The following KAZN variants were observed in gnomAD, a reference collection of about 807,000 sequenced individuals.
The protein encoded by KAZN is kazrin.
In KAZN, 40 loss-of-function variants were observed where a neutral mutation model predicts 87.4. The observed-to-expected ratio is 0.46, with a 90% CI of 0.36 to 0.60. The LOEUF (loss-of-function observed/expected upper bound fraction) is 0.60. Among genes scored for constraint, KAZN ranks in the 20% least tolerant of loss-of-function variants. KAZN has a pLI of 0.00. For missense variants in KAZN, 898 were observed against 1,073.9 expected (o/e 0.84, Z 2.29); for synonymous variants, 466 against 458.3 (o/e 1.02, Z -0.22).
At chr1:14,039,134 G>A (rs1195009986) in intron 1 of KAZN, among the ~76,000 whole-genome samples, 1 of 147,408 alleles carries the variant, frequency 6.8e-6, no homozygotes, top group Non-Finnish European at 1.5e-5. Context: ...TCGTGCCACT[G>A]CACTCCAGCC....
At chr1:14,683,449 T>C (rs1197200893) in intron 1 of KAZN, among the ~76,000 whole-genome samples, 1 of 152,144 alleles carries the variant, frequency 6.6e-6, no homozygotes, top group African/African-American at 2.4e-5. Flanking sequence ...AAGATGCTAT[T>C]AGGCATTCTT....
At chr1:15,050,159 GGAATAGAATAGAATAGAATAGAATA>G (rs1553180847) in intron 4 of KAZN, among the ~76,000 whole-genome samples, 84 of 131,330 alleles carry the variant, frequency 6.4e-4, no homozygotes, top group Non-Finnish European at 1.1e-3. Flanking sequence ...AGAATAGAAT[GGAATAGAATAGAATAGAATAGAATA>G]GAATAGAATA....
At chr1:14,590,662 C>T (rs570646788) in intron 2 of KAZN, among the ~76,000 whole-genome samples, 1 of 152,120 alleles carries the variant, frequency 6.6e-6, no homozygotes, top group African/African-American at 2.4e-5. Flanking sequence ...AGAATGAGAG[C>T]TACCATCACA....
intron 2 of KAZN, among the ~76,000 whole-genome samples, chr1:14,964,093 C>T (rs185046140): frequency 4.6e-5 from 7 of 152,246 alleles, no homozygotes; most frequent in African/African-American, 1.2e-4. Context: ...AGTAAACATA[C>T]GTGTACATGT....
intron 8 of KAZN, among the ~76,000 whole-genome samples, chr1:15,070,493 A>C (rs1305573899): frequency 6.6e-6 from 1 of 152,070 alleles, no homozygotes. Flanking sequence ...TGCAGCCCCC[A>C]ACACCTGGGG....
chr1:14,665,823 T>C (rs978531112), intron 1 of KAZN, among the ~76,000 whole-genome samples: 1 of 151,212 alleles, frequency 6.6e-6, no homozygotes, highest in African/African-American at 2.4e-5. Flanking sequence ...GCTGCCTAGT[T>C]CGGGACAAAG....
chr1:14,968,909 A>G (rs984479804), intron 2 of KAZN, among the ~76,000 whole-genome samples: 15 of 152,206 alleles, frequency 9.9e-5, no homozygotes, highest in Admixed American at 2.6e-4. Context: ...CCTGAAACCT[A>G]CGACACACTC....
intron 1 of KAZN, among the ~76,000 whole-genome samples, chr1:14,162,283 A>G (rs1195243949): frequency 6.6e-6 from 1 of 152,244 alleles, no homozygotes; most frequent in Non-Finnish European, 1.5e-5. Context: ...ATATCTGTCA[A>G]TATAGTTCTC....
intron 1 of KAZN, among the ~76,000 whole-genome samples, chr1:13,969,559 C>T (rs57805059): frequency 0.023 from 3,449 of 152,184 alleles, 56 homozygotes; most frequent in South Asian, 0.06. Context: ...CACTCTTTTC[C>T]CTAGTCACTC....
intron 2 of KAZN, among the ~76,000 whole-genome samples, chr1:14,493,145 C>G (rs1403105728): frequency 6.6e-6 from 1 of 152,126 alleles, no homozygotes; most frequent in Non-Finnish European, 1.5e-5. Flanking sequence ...TCCTTCGGCC[C>G]TTTGCCTTGT....
At chr1:15,107,816 GGTTTTACTCTCTGAGCCTCA>G (rs1462012647) in intron 13 of KAZN, among the ~76,000 whole-genome samples, 1 of 152,166 alleles carries the variant, frequency 6.6e-6, no homozygotes, top group African/African-American at 2.4e-5. Context: ...AGTGGTTTTA[GGTTTTACTCTCTGAGCCTCA>G]GTTTCTTCCT....
chr1:14,425,395 T>A (rs1369316020), intron 2 of KAZN, among the ~76,000 whole-genome samples: 1 of 152,176 alleles, frequency 6.6e-6, no homozygotes. Flanking sequence ...AGAAGAAGGT[T>A]CATTGTGAGT....
chr1:14,857,129 C>T (rs555963828), intron 1 of KAZN, among the ~76,000 whole-genome samples: 1 of 150,416 alleles, frequency 6.6e-6, no homozygotes, highest in Non-Finnish European at 1.5e-5. Flanking sequence ...TCGCACAAGG[C>T]GTTTTGCTTC....
intron 2 of KAZN, among the ~76,000 whole-genome samples, chr1:14,226,416 C>CA (rs1316485367): frequency 1.3e-5 from 2 of 151,610 alleles, no homozygotes; most frequent in Admixed American, 1.3e-4. Flanking sequence ...AAGTGAAAAA[C>CA]AAAAAACAAA....
chr1:14,678,327 G>A (rs1471138750), intron 1 of KAZN, among the ~76,000 whole-genome samples: 4 of 152,108 alleles, frequency 2.6e-5, no homozygotes, highest in South Asian at 2.1e-4. Context: ...TCCTACCCTC[G>A]AACATCAGAC....
chr1:14,044,791 G>A (rs1417765734), intron 1 of KAZN, among the ~76,000 whole-genome samples: 1 of 152,200 alleles, frequency 6.6e-6, no homozygotes. Flanking sequence ...CCTGCTGAGA[G>A]GTAATTCTCT....
chr1:13,933,949 G>A (rs75400748), intron 1 of KAZN, among the ~76,000 whole-genome samples: 2,494 of 152,252 alleles, frequency 0.016, 65 homozygotes, highest in African/African-American at 0.055. Context: ...AAAGAAGACC[G>A]TCAGAGACAA....
intron 8 of KAZN, among the ~76,000 whole-genome samples, chr1:15,078,314 A>G (rs2100618804): frequency 6.6e-6 from 1 of 152,232 alleles, no homozygotes; most frequent in African/African-American, 2.4e-5. Flanking sequence ...CTGAGGAAGG[A>G]GAATCGCTTG....
intron 2 of KAZN, among the ~76,000 whole-genome samples, chr1:14,527,935 A>G (rs1353575576): frequency 2.0e-5 from 3 of 152,110 alleles, no homozygotes; most frequent in South Asian, 2.1e-4. Context: ...AAACTATAGC[A>G]CTTCATTCAC....
Sources: gnomAD v4.1 joint callset for allele counts (sites outside exome capture counted in the v4.1 genomes callset) on GRCh38, gnomAD v4.1.1 for gene constraint, MANE v1.5 for transcripts, NCBI Gene and HGNC (gene_info 2026-07-23, HGNC 2026-07-21) for gene names.